The following RPAP1 variants were observed in gnomAD, a reference collection of about 807,000 sequenced individuals.
The protein encoded by RPAP1 is RNA polymerase II-associated protein 1.
In RPAP1, 109 loss-of-function variants were observed where a neutral mutation model predicts 142.4. The ratio of observed to expected loss-of-function variants is 0.77; its 90% CI spans 0.66 to 0.90. The LOEUF (loss-of-function observed/expected upper bound fraction) is 0.90, where lower values mean the gene tolerates loss of function less well. RPAP1 is among the 40% of genes least tolerant of loss of function. RPAP1 has a pLI of 0.00. For synonymous variants in RPAP1, 704 were observed against 738.9 expected (o/e 0.95, Z 0.77); for missense variants, 1,546 against 1,751.7 (o/e 0.88, Z 2.10).
chr15:41,518,391 G>C, intron 22 of RPAP1: 3 of 475,868 alleles, frequency 6.3e-6, no homozygotes, highest in Non-Finnish European at 1.1e-5. Context: ...CCATTAAAAA[G>C]CATGAAATTG....
intron 14 of RPAP1, among the ~76,000 whole-genome samples, chr15:41,525,760 A>G (rs1194569743): frequency 6.6e-6 from 1 of 151,266 alleles, no homozygotes; most frequent in Non-Finnish European, 1.5e-5. Flanking sequence ...GGTTTAAGCA[A>G]TTCTCTGCCT....
chr15:41,533,065 G>GT (rs2051871071), intron 6 of RPAP1, among the ~76,000 whole-genome samples: 1 of 142,672 alleles, frequency 7.0e-6, no homozygotes, highest in Admixed American at 7.2e-5. Flanking sequence ...TTCTTATAAG[G>GT]TGTGTGACCT....
rs1193018174 is a variant in RPAP1 at position 41,522,116 on chromosome 15, G to A, written c.2877C>T (p.Leu959=). ...GACCTACCGCTTTCTGGGCCAGAGCGAGTGCCAGGTACTGCAGGTGGTACT... is the reference window on the plus strand; with the variant it reads ...GACCTACCGCTTTCTGGGCCAGAGCAAGTGCCAGGTACTGCAGGTGGTACT... ...RHEYHLQYLA[L]ALAQKAAALQ... is the part of the protein sequence containing the mutation. The change falls in exon 20 of 25, where the codon CTC becomes CTT. Residue 959 remains leucine, a synonymous_variant. Coordinates refer to ENST00000304330, the MANE Select transcript of RPAP1 (RefSeq NM_015540.4). 6 of 1,613,558 alleles carry A rather than the reference G, an allele frequency of 3.7e-6. No individual in the cohort carries two copies. The highest frequency in any genetic ancestry group is 4.5e-5 in the East Asian group (2 of 44,886).
rs1033368026 is a variant in RPAP1, at chr15:41,522,880, G to A, written c.2627C>T (p.Ser876Leu). Reference protein sequence around the residue: ...APPSLVSLGCSGGCPRLSLAG... With the variant: ...APPSLVSLGCLGGCPRLSLAG... The stretch of plus-strand genomic sequence containing the variant: ...CAGACTGAGACGGGGGCAGCCTCCC[G>A]AGCAGCCCAGTGACACGAGGCTGGG... Residue 876 changes from serine (S) to leucine (L), a missense_variant, in exon 19 of 25, where the codon TCG (serine) becomes TTG (leucine). By Grantham distance (145) the Ser-to-Leu change is moderately radical. This residue lies in a region of RPAP1 where 1,333 missense variants were observed against 1,486.6 expected (regional missense o/e 0.90). Coordinates refer to ENST00000304330, the MANE Select transcript of RPAP1 (RefSeq NM_015540.4). The A allele has an allele frequency of 1.0e-5, 16 of 1,578,264 alleles. No individual in the cohort carries two copies. Among genetic ancestry groups the A allele is most frequent in the South Asian group, 2.3e-5 (2 of 85,348 alleles).
intron 1 of RPAP1, among the ~76,000 whole-genome samples, chr15:41,542,070 G>A (rs980431704): frequency 6.6e-6 from 1 of 152,152 alleles, no homozygotes; most frequent in East Asian, 1.9e-4. Context: ...CGGTGTACAA[G>A]GGGCTGTAAA....
At chr15:41,517,933 C>T in intron 23 of RPAP1, 73 bp downstream of exon 23, 1 of 1,613,078 alleles carries the variant, frequency 6.2e-7, no homozygotes, top group East Asian at 2.2e-5. Flanking sequence ...ACACTTACCT[C>T]TTCCCCAGCT....
At chr15:41,531,250 G>A (rs763825375) in intron 6 of RPAP1, 48 bp from the exon 7 acceptor site, 98 of 1,551,006 alleles carry the variant, frequency 6.3e-5, no homozygotes, top group Non-Finnish European at 8.6e-5. Flanking sequence ...GATCCTCCCT[G>A]GCCTCCTACA....
In RPAP1 at chr15:41,522,264, A is replaced by G. The variant is rs745767164; in HGVS notation, c.2743-14T>C. 1.2e-6 allele frequency: 2 copies of G among 1,612,180 alleles called. No individual in the cohort carries two copies. The highest frequency in any genetic ancestry group is 8.5e-7 in the Non-Finnish European group (1 of 1,179,336). On this transcript the variant is annotated splice_polypyrimidine_tract_variant and intron_variant, in intron 19 of 24. Transcript: ENST00000304330. ...TATGGCAGCCAGCTGAGGAAAAGCA[A>G]TTTTGTTCAGATCTAGAAATTGACT...
chr15:41,524,417 G>A (rs2051767242), intron 15 of RPAP1, among the ~76,000 whole-genome samples, 163 bp from the exon 16 acceptor site: 1 of 151,442 alleles, frequency 6.6e-6, no homozygotes, highest in Admixed American at 6.6e-5. Context: ...AAAGGATGTT[G>A]TCCTTCAAGG....
intron 15 of RPAP1, among the ~76,000 whole-genome samples, chr15:41,524,585 C>T (rs573958090): frequency 4.2e-4 from 64 of 151,028 alleles, no homozygotes; most frequent in African/African-American, 1.4e-3. Flanking sequence ...AACCGGTTCT[C>T]CTGCCTCAGC....
At chr15:41,522,538 G>A (rs547023651) in intron 19 of RPAP1, 36 of 564,590 alleles carry the variant, frequency 6.4e-5, no homozygotes, top group African/African-American at 5.9e-4. Context: ...TTACAGGCAT[G>A]TGCCATCATG....
chr15:41,518,330 G>C lies in RPAP1; in HGVS notation c.3796-148C>G, dbSNP rs573854463. The C allele has an allele frequency of 4.9e-5, 32 of 657,970 alleles. No homozygotes were observed. The African/African-American group carries it at 4.9e-4, about 10-fold the overall frequency. The allele number at this position is 657,970 out of a possible 1,614,324, so 40.8% of individuals were successfully genotyped here. ...TCTGTCCTTCTAGCACAAGGATCAG[G>C]GTTAAAGACTACAGAGCAGATGTTG... On this transcript the variant is annotated intron_variant, in intron 22 of 24. Transcript: ENST00000304330.
chr15:41,530,577 G>C (rs1595485404), intron 7 of RPAP1, among the ~76,000 whole-genome samples: 1 of 152,260 alleles, frequency 6.6e-6, no homozygotes, highest in African/African-American at 2.4e-5. Context: ...GCTTCCACTG[G>C]CCTCTCTGCT....
At chr15:41,530,552 T>C (rs375882211) in intron 7 of RPAP1, among the ~76,000 whole-genome samples, 1 of 152,178 alleles carries the variant, frequency 6.6e-6, no homozygotes, top group South Asian at 2.1e-4. Context: ...ATAATCTAGT[T>C]TCTGGGAAAT....
At chr15:41,543,654 G>A (rs1333846248) in intron 1 of RPAP1, among the ~76,000 whole-genome samples, 3 of 152,174 alleles carry the variant, frequency 2.0e-5, no homozygotes, top group Non-Finnish European at 4.4e-5. Flanking sequence ...ATAAACCTCA[G>A]TAACAATTAT....
At chr15:41,531,302 G>T in intron 6 of RPAP1, 100 bp from the exon 7 acceptor site, 1 of 1,220,410 alleles carries the variant, frequency 8.2e-7, no homozygotes, top group Non-Finnish European at 1.2e-6. Context: ...TGGGTGCCAA[G>T]GACAGGACAA....
At chr15:41,536,320 G>C (rs2051906771) in intron 3 of RPAP1, 102 bp from the exon 4 acceptor site, 1 of 1,310,050 alleles carries the variant, frequency 7.6e-7, no homozygotes, top group East Asian at 2.3e-5. Context: ...ACCTCACTCT[G>C]GGGGGTTACG....
intron 1 of RPAP1, among the ~76,000 whole-genome samples, chr15:41,542,752 A>G (rs2051981876): frequency 6.6e-6 from 1 of 152,216 alleles, no homozygotes; most frequent in South Asian, 2.1e-4. Context: ...TTAATTATAT[A>G]TATGTAAGAA....
rs199901739 is a variant in RPAP1, at chr15:41,523,334, A to G, written c.2457T>C (p.Asp819=). 88 of 1,608,270 alleles carry G rather than the reference A, an allele frequency of 5.5e-5. No homozygotes were observed. The Admixed American group carries it at 8.3e-4, about 15-fold the overall frequency. The change falls in exon 18 of 25, where the codon GAT becomes GAC. Residue 819 remains aspartate, a synonymous_variant. Transcript: ENST00000304330. ...WSQQPSSCPE[D]WLQDMQRLSE... ...ACAGGCGCTGCATGTCCTGGAGCCA[A>G]TCCTCCGGGCATGAGCTTGGCTGGT...
Sources: gnomAD v4.1 joint callset for allele counts (sites outside exome capture counted in the v4.1 genomes callset) on GRCh38, gnomAD v4.1.1 for gene constraint, gnomAD v4.1.1 regional missense constraint, MANE v1.5 for transcripts, NCBI Gene and HGNC (gene_info 2026-07-23, HGNC 2026-07-21) for gene names.